TANC2: variants seen among roughly 807,000 people sequenced by gnomAD.
The protein encoded by TANC2 is tetratricopeptide repeat, ankyrin repeat and coiled-coil containing 2, also known as protein TANC2.
A neutral mutation model predicts 210.5 loss-of-function variants in TANC2; 26 were observed. The ratio of observed to expected loss-of-function variants is 0.12; its 90% CI spans 0.09 to 0.17. The LOEUF (loss-of-function observed/expected upper bound fraction) is 0.17, where lower values mean the gene tolerates loss of function less well. Ranked by LOEUF, TANC2 falls within the 10% of genes least tolerant of loss-of-function variation. The probability of loss-of-function intolerance (pLI) is 1.00; values close to 1 mark genes in which losing one functional copy is unlikely to be tolerated. For missense variants in TANC2, 2,129 were observed against 2,608.9 expected (o/e 0.82, Z 4.01); for synonymous variants, 931 against 967.1 (o/e 0.96, Z 0.69).
chr17:63,337,294 CTTAG>C (rs971897512), intron 11 of TANC2, among the ~76,000 whole-genome samples: 9 of 151,924 alleles, frequency 5.9e-5, no homozygotes, highest in Non-Finnish European at 8.8e-5. Context: ...TTTTAATATT[CTTAG>C]TTAAATTTTC....
At chr17:63,124,450 C>CCTGAACTGTAGTCCAAACT (rs2038624794) in intron 4 of TANC2, among the ~76,000 whole-genome samples, 1 of 152,142 alleles carries the variant, frequency 6.6e-6, no homozygotes, top group Non-Finnish European at 1.5e-5. Flanking sequence ...CTTTTGCTCT[C>CCTGAACTGTAGTCCAAACT]CTGAACTGTA....
At chr17:63,030,015 G>A (rs559841398) in intron 2 of TANC2, among the ~76,000 whole-genome samples, 1 of 152,158 alleles carries the variant, frequency 6.6e-6, no homozygotes, top group Non-Finnish European at 1.5e-5. Context: ...TTAATGACAT[G>A]CTTTGTGTGC....
At chr17:63,295,332 G>A (rs984696795) in intron 9 of TANC2, among the ~76,000 whole-genome samples, 1 of 152,160 alleles carries the variant, frequency 6.6e-6, no homozygotes, top group African/African-American at 2.4e-5. Context: ...AGCTTTCTCA[G>A]TAGAATAAAA....
chr17:63,396,531 CAACT>C (rs1309133704), intron 18 of TANC2: 2 of 154,106 alleles, frequency 1.3e-5, no homozygotes, highest in Admixed American at 6.3e-5. Context: ...GTTTAACAAC[CAACT>C]GTGAAGAGGG....
At chr17:62,973,396 C>T (rs1262425101) in intron 1 of TANC2, among the ~76,000 whole-genome samples, 1 of 152,200 alleles carries the variant, frequency 6.6e-6, no homozygotes, top group East Asian at 1.9e-4. Context: ...TAAGCAGGCA[C>T]TGTGACTTTT....
chr17:63,316,282 A>G (rs529755437), intron 10 of TANC2, among the ~76,000 whole-genome samples: 2 of 134,594 alleles, frequency 1.5e-5, no homozygotes, highest in Admixed American at 7.0e-5. Flanking sequence ...TGAGTGTGTC[A>G]GAAAGGAAGC....
At chr17:63,203,984 T>A (rs1417940665) in intron 7 of TANC2, among the ~76,000 whole-genome samples, 1 of 152,196 alleles carries the variant, frequency 6.6e-6, no homozygotes, top group Non-Finnish European at 1.5e-5. Context: ...GGCTTCCTTC[T>A]GTAGATATAA....
intron 4 of TANC2, among the ~76,000 whole-genome samples, chr17:63,101,325 AT>A (rs1174936832): frequency 2.6e-5 from 4 of 152,190 alleles, no homozygotes; most frequent in Non-Finnish European, 5.9e-5. Context: ...AATTATCAAA[AT>A]GCAATAATTT....
intron 4 of TANC2, among the ~76,000 whole-genome samples, chr17:63,131,986 C>T (rs900741234): frequency 9.8e-5 from 15 of 152,310 alleles, no homozygotes; most frequent in African/African-American, 3.4e-4. Flanking sequence ...CATTGGAGTG[C>T]ATACATTCAG....
intron 7 of TANC2, among the ~76,000 whole-genome samples, chr17:63,214,886 T>C (rs1301323534): frequency 6.6e-6 from 1 of 152,206 alleles, no homozygotes; most frequent in Non-Finnish European, 1.5e-5. Flanking sequence ...GATGCAATGA[T>C]GCTCTCAATT....
At chr17:63,237,088 G>A (rs1308120028) in intron 7 of TANC2, among the ~76,000 whole-genome samples, 3 of 152,070 alleles carry the variant, frequency 2.0e-5, no homozygotes, top group Non-Finnish European at 2.9e-5. Flanking sequence ...AATGGTTGTT[G>A]TAATTTATAT....
chr17:63,272,256 A>G (rs2440144), intron 9 of TANC2, among the ~76,000 whole-genome samples: 92,182 of 151,966 alleles, frequency 0.61, 30,123 homozygotes, highest in African/African-American at 0.85. Flanking sequence ...ATTGAAGACC[A>G]GGTAGTTGTA....
At chr17:63,354,417 C>T (rs1401583414) in intron 13 of TANC2, among the ~76,000 whole-genome samples, 2 of 152,122 alleles carry the variant, frequency 1.3e-5, no homozygotes, top group African/African-American at 4.8e-5. Context: ...GTACATTTCT[C>T]TTACTGACTT....
chr17:63,154,623 A>T (rs972648179), intron 5 of TANC2: 1 of 152,162 alleles, frequency 6.6e-6, no homozygotes. Flanking sequence ...TCAGTTTAAT[A>T]TATATAAAGC....
At chr17:63,392,179 G>T (rs758486028) in intron 17 of TANC2, among the ~76,000 whole-genome samples, 1 of 152,134 alleles carries the variant, frequency 6.6e-6, no homozygotes, top group East Asian at 1.9e-4. Flanking sequence ...CGTCAAACCC[G>T]ACTGGGTTCT....
intron 1 of TANC2, among the ~76,000 whole-genome samples, chr17:63,007,525 TTTTCTC>T (rs2033675138): frequency 6.6e-6 from 1 of 152,154 alleles, no homozygotes; most frequent in African/African-American, 2.4e-5. Flanking sequence ...CTATGCTGCT[TTTTCTC>T]TTATGTCTTA....
At chr17:63,162,095 G>A (rs547742481) in intron 5 of TANC2, among the ~76,000 whole-genome samples, 8 of 152,112 alleles carry the variant, frequency 5.3e-5, no homozygotes, top group South Asian at 2.1e-4. Flanking sequence ...ATTCGAGGCC[G>A]GGAGTTGGAG....
chr17:63,300,092 T>C (rs1212165815), intron 9 of TANC2, among the ~76,000 whole-genome samples: 2 of 152,196 alleles, frequency 1.3e-5, no homozygotes, highest in African/African-American at 4.8e-5. Context: ...CAGATGGTTG[T>C]AGATGTGTGG....
At chr17:63,235,696 A>G (rs889060185) in intron 7 of TANC2, among the ~76,000 whole-genome samples, 2 of 152,054 alleles carry the variant, frequency 1.3e-5, no homozygotes, top group Middle Eastern at 3.2e-3. Context: ...GAACCTCACT[A>G]AAAACGATTG....
Sources: gnomAD v4.1 joint callset for allele counts (sites outside exome capture counted in the v4.1 genomes callset) on GRCh38, gnomAD v4.1.1 for gene constraint, MANE v1.5 for transcripts, NCBI Gene and HGNC (gene_info 2026-07-23, HGNC 2026-07-21) for gene names.